CRLF1: variants seen among roughly 807,000 people sequenced by gnomAD.
CRLF1 encodes cytokine receptor-like factor 1.
Under a neutral mutation model 48.9 loss-of-function variants are expected in CRLF1, and 36 were observed. The ratio of observed to expected loss-of-function variants is 0.74; its 90% CI spans 0.56 to 0.97. The LOEUF (loss-of-function observed/expected upper bound fraction) is 0.97. Ranked by LOEUF, CRLF1 falls within the 50% of genes least tolerant of loss-of-function variation. The pLI is 0.00. For synonymous variants in CRLF1, 256 were observed against 253.4 expected, an observed-to-expected ratio of 1.01 and a Z score of -0.10; for missense variants, 534 against 575.1, an observed-to-expected ratio of 0.93 and a Z score of 0.73.
In CRLF1 at chr19:18,593,397, G is replaced by A. The variant is rs1976081928; in HGVS notation, c.*169C>T. 7 of 856,138 alleles carry A rather than the reference G, an allele frequency of 8.2e-6. No individual in the cohort carries two copies. In the South Asian group the frequency reaches 1.2e-4, roughly 15 times the overall value. The allele number at this position is 856,138 out of a possible 1,614,324, so 53.0% of individuals were successfully genotyped here. ...CACCCACTGGGGTGCACCCAAAGGTGGCCTCACGTGGGAGTCAGAGCTGTT... is the reference window on the plus strand; with the variant it reads ...CACCCACTGGGGTGCACCCAAAGGTAGCCTCACGTGGGAGTCAGAGCTGTT... On this transcript the variant is annotated 3_prime_UTR_variant, in exon 9 of 9. Coordinates refer to ENST00000392386, the MANE Select transcript of CRLF1 (RefSeq NM_004750.5).
At position 18,601,745 on chromosome 19, in the gene CRLF1, T is replaced by C. The variant is rs1976223942; in HGVS notation, c.116-1899A>G. 3.9e-5 allele frequency among the ~76,000 whole-genome samples: 6 copies of C among 152,208 alleles called. No homozygotes were observed. In the South Asian group the frequency reaches 1.2e-3, roughly 31 times the overall value. ...TGAGCACTTGTTGTGTTCTGAATAC[T>C]GGGCTAAGACTACCTACATTTTCTC... On this transcript the variant is annotated intron_variant, in intron 1 of 8. Transcript: ENST00000392386.
intron 8 of CRLF1, 35 bp downstream of exon 8, chr19:18,594,030 G>GCGGGGGGGGCCCC: frequency 7.6e-7 from 1 of 1,315,314 alleles, no homozygotes; most frequent in South Asian, 1.3e-5. Context: ...CCCTCCCCTT[G>GCGGGGGGGGCCCC]CTCCCTCCCG....
intron 6 of CRLF1, among the ~76,000 whole-genome samples, chr19:18,594,749 C>T (rs1435443847): frequency 6.6e-6 from 1 of 151,552 alleles, no homozygotes; most frequent in African/African-American, 2.4e-5. Flanking sequence ...GAGGCCAGAG[C>T]CGGGGGGATG....
intron 6 of CRLF1, among the ~76,000 whole-genome samples, chr19:18,596,378 A>C (rs1162295239): frequency 2.0e-5 from 3 of 152,116 alleles, no homozygotes; most frequent in African/African-American, 7.2e-5. Flanking sequence ...GTCTCTACTA[A>C]AAAATACAAA....
Position 18,606,436 on chromosome 19 carries a change from C to A in CRLF1, c.115+106G>T. 1.1e-6 allele frequency: 1 copy of A among 897,890 alleles called. No individual in the cohort carries two copies. 55.6% of individuals were successfully genotyped at this position (897,890 alleles called of 1,614,324 possible). On this transcript the variant is annotated intron_variant, in intron 1 of 8. Transcript: ENST00000392386. The surrounding 1 kb of genome is among the most constrained non-coding windows in gnomAD (Gnocchi z 4.8). ...TGCGCCGGGGGCGCCTTCCTTTGTT[C>A]CCCGGCCGTCCAGGTGGCGCCCGCG...
In CRLF1 at chr19:18,599,575, G is replaced by C. The variant is rs1976191052; in HGVS notation, c.387C>G (p.Leu129=). ...RDGSILAGSC[L]YVGLPPEKPV... The stretch of plus-strand genomic sequence containing the variant: ...TGGGTGCCAACTTACGGCCAACATA[G>C]AGGCAGGAGCCAGCCAGGATGCTGC... The change falls in exon 2 of 9, where the codon CTC becomes CTG. Residue 129 remains leucine, a synonymous_variant. Coordinates refer to ENST00000392386, the MANE Select transcript of CRLF1 (RefSeq NM_004750.5). The C allele has an allele frequency of 6.2e-7, 1 of 1,612,270 alleles. No individual in the cohort carries two copies. Among genetic ancestry groups the C allele is most frequent in the South Asian group, 1.1e-5 (1 of 91,042 alleles).
intron 8 of CRLF1, 33 bp downstream of exon 8, chr19:18,594,032 T>TTGGGGGCC: frequency 5.0e-4 from 351 of 695,514 alleles, no homozygotes; most frequent in Non-Finnish European, 6.7e-4. Context: ...CTCCCCTTGC[T>TTGGGGGCC]CCCTCCCGCC....
In CRLF1 at chr19:18,599,800, G is replaced by A; in HGVS notation, c.162C>T (p.Ser54=). The A allele has an allele frequency of 6.3e-7, 1 of 1,576,740 alleles. No homozygotes were observed. The highest frequency in any genetic ancestry group is 1.1e-5 in the South Asian group (1 of 87,088). The change falls in exon 2 of 9, where the codon TCC becomes TCT. Residue 54 remains serine (S), a synonymous_variant. Transcript: ENST00000392386. The stretch of plus-strand genomic sequence containing the variant: ...GCACTGAGCAGGTGGCCAGCAGGGA[G>A]GAGCCGATGAGAAGCGTGGGATCCT... ...SPQDPTLLIG[S]SLLATCSVHG... is the part of the protein sequence containing the mutation.
rs2238647 is a variant in CRLF1 at position 18,599,725 on chromosome 19, G to A, written c.237C>T (p.Asn79=). The A allele has an allele frequency of 0.22, 345,929 of 1,605,194 alleles. 41,415 individuals are homozygous for A. Among genetic ancestry groups the A allele is most frequent in the East Asian group, 0.51 (22,855 of 44,574 alleles). The change falls in exon 2 of 9, where the codon AAC becomes AAT. Residue 79 remains asparagine (N), a synonymous_variant. Coordinates refer to ENST00000392386, the MANE Select transcript of CRLF1 (RefSeq NM_004750.5). ...AGAGCTCAGGGGGCAGGCGGCGCCC[G>A]TTGAGGGTCCAGTAGAGGCCCTCGG... ...ATAEGLYWTL[N]GRRLPPELSR...
intron 8 of CRLF1, 33 bp downstream of exon 8, chr19:18,594,032 T>TTGGCGCC: frequency 3.6e-5 from 25 of 695,794 alleles, no homozygotes; most frequent in Non-Finnish European, 4.4e-5. Flanking sequence ...CTCCCCTTGC[T>TTGGCGCC]CCCTCCCGCC....
At chr19:18,602,044 G>T (rs2145335171) in intron 1 of CRLF1, among the ~76,000 whole-genome samples, 1 of 152,342 alleles carries the variant, frequency 6.6e-6, no homozygotes, top group South Asian at 2.1e-4. Flanking sequence ...GTCTCCTGGG[G>T]TATTGTGAAA....
chr19:18,594,182 CCT>C (rs1021833339), intron 7 of CRLF1, 63 bp downstream of exon 7: 89 of 1,603,310 alleles, frequency 5.6e-5, no homozygotes, highest in Non-Finnish European at 6.6e-5. Context: ...TTCCCCCTCC[CCT>C]GTTTTCTGGG....
chr19:18,597,874 C>T (rs1976162793), intron 4 of CRLF1, among the ~76,000 whole-genome samples: 1 of 151,962 alleles, frequency 6.6e-6, no homozygotes, highest in Non-Finnish European at 1.5e-5. Flanking sequence ...GGGGCTACAA[C>T]CCAGGCGTAT....
intron 8 of CRLF1, 28 bp downstream of exon 8, chr19:18,594,037 C>G: frequency 8.2e-6 from 5 of 606,582 alleles, no homozygotes; most frequent in Non-Finnish European, 1.4e-5. Context: ...CTTGCTCCCT[C>G]CCGCCCACCC....
At chr19:18,596,337 G>A (rs867891237) in intron 6 of CRLF1, among the ~76,000 whole-genome samples, 3 of 152,094 alleles carry the variant, frequency 2.0e-5, no homozygotes, top group Admixed American at 6.6e-5. Context: ...TCAGGAGTTC[G>A]AGACCAGCCT....
At chr19:18,596,592 T>C in intron 6 of CRLF1, 30 bp downstream of exon 6, 1 of 1,608,870 alleles carries the variant, frequency 6.2e-7, no homozygotes, top group Non-Finnish European at 8.5e-7. Context: ...GACTGGCCGC[T>C]GGATCACCCA....
chr19:18,605,330 G>T (rs1193164750), intron 1 of CRLF1, among the ~76,000 whole-genome samples: 1 of 152,164 alleles, frequency 6.6e-6, no homozygotes, highest in Non-Finnish European at 1.5e-5. Flanking sequence ...CCTAGAAGAT[G>T]CCCGGACCCT....
Position 18,602,583 on chromosome 19 carries a change from A to G in CRLF1, c.116-2737T>C, listed in dbSNP as rs183640679. On this transcript the variant is annotated intron_variant, in intron 1 of 8. Transcript: ENST00000392386. The stretch of plus-strand genomic sequence containing the variant: ...CAGTGAGCCATGACTGCACCACTGC[A>G]CTCCAGCCTGGGTGACAGTGAGACC... Among the ~76,000 whole-genome samples, 43 of 151,996 alleles carry G rather than the reference A, an allele frequency of 2.8e-4. 1 individual carries two copies. In the East Asian group the frequency reaches 8.2e-3, roughly 29 times the overall value.
intron 6 of CRLF1, among the ~76,000 whole-genome samples, chr19:18,595,208 G>A (rs1976115707): frequency 6.6e-6 from 1 of 152,232 alleles, no homozygotes; most frequent in South Asian, 2.1e-4. Flanking sequence ...CGCCGCCCCT[G>A]CTGGCCTTCC....
Sources: allele counts gnomAD v4.1 joint callset (sites outside exome capture counted in the v4.1 genomes callset), GRCh38; gene constraint gnomAD v4.1.1; non-coding constraint Gnocchi (gnomAD v3.1); transcripts MANE v1.5; gene names NCBI Gene and HGNC (gene_info 2026-07-23, HGNC 2026-07-21).